PALD1: variants seen among roughly 807,000 people sequenced by gnomAD.
The protein encoded by PALD1 is paladin.
A neutral mutation model predicts 96.0 loss-of-function variants in PALD1; 57 were observed. The ratio of observed to expected loss-of-function variants is 0.59; its 90% confidence interval spans 0.48 to 0.74. The LOEUF (loss-of-function observed/expected upper bound fraction) is 0.74, where lower values mean the gene tolerates loss of function less well. Ranked by LOEUF, PALD1 falls within the 30% of genes least tolerant of loss-of-function variation. The probability of loss-of-function intolerance (pLI) is 0.00; values close to 1 mark genes in which losing one functional copy is unlikely to be tolerated. For missense variants in PALD1, 1,063 were observed against 1,143.7 expected (o/e 0.93, Z 1.02); for synonymous variants, 464 against 473.6 (o/e 0.98, Z 0.26).
intron 1 of PALD1, among the ~76,000 whole-genome samples, chr10:70,481,463 T>G (rs1298577116): frequency 6.6e-6 from 1 of 152,020 alleles, no homozygotes; most frequent in Non-Finnish European, 1.5e-5. Flanking sequence ...TTACTCAGAG[T>G]CATTTGGCCT....
At chr10:70,473,900 C>CCCG (rs1554852727), upstream of PALD1, among the ~76,000 whole-genome samples, 15 of 123,704 alleles carry the variant, frequency 1.2e-4, no homozygotes, top group African/African-American at 4.8e-4. Context: ...CACCCCCCCC[C>CCCG]CCTCAGCCTC....
chr10:70,531,541 C>T, intron 5 of PALD1, 87 bp downstream of exon 5: 1 of 1,311,322 alleles, frequency 7.6e-7, no homozygotes, highest in Non-Finnish European at 1.0e-6. Context: ...CCTGCTCTTA[C>T]TGGCCCGTGT....
At chr10:70,466,013 T>C in the PALD1 span, among the ~76,000 whole-genome samples, 2 of 152,114 alleles carry the variant, frequency 1.3e-5, no homozygotes, top group Non-Finnish European at 2.9e-5. Flanking sequence ...TCCTGCCCCA[T>C]GCCCCAGGGC....
chr10:70,513,539 A>T (rs1391913276), intron 1 of PALD1, among the ~76,000 whole-genome samples: 2 of 152,138 alleles, frequency 1.3e-5, no homozygotes, highest in Non-Finnish European at 2.9e-5. Flanking sequence ...AGAGTGCAGT[A>T]AGTAAACTCC....
At chr10:70,554,405 G>A (rs12762323) in intron 18 of PALD1, among the ~76,000 whole-genome samples, 78,678 of 151,952 alleles carry the variant, frequency 0.52, 21,205 homozygotes, top group Middle Eastern at 0.65. Context: ...CTCTAGCCTG[G>A]GTGACAGAGT....
At chr10:70,515,862 C>G (rs936529517) in intron 1 of PALD1, among the ~76,000 whole-genome samples, 6 of 152,166 alleles carry the variant, frequency 3.9e-5, no homozygotes, top group Non-Finnish European at 7.3e-5. Context: ...AGAGCCTAAG[C>G]CCTGTGTCCC....
intron 17 of PALD1, among the ~76,000 whole-genome samples, chr10:70,546,291 T>C (rs956176905): frequency 1.3e-5 from 2 of 152,182 alleles, no homozygotes; most frequent in Non-Finnish European, 2.9e-5. Flanking sequence ...AGCTTAACAT[T>C]CCATGGGTGC....
At chr10:70,532,543 T>G in intron 5 of PALD1, 78 bp from the exon 6 acceptor site, 2 of 1,486,514 alleles carry the variant, frequency 1.3e-6, no homozygotes, top group East Asian at 4.5e-5. Context: ...GTCTGGTCAC[T>G]CCAGAGCTCA....
chr10:70,547,214 G>A, intron 17 of PALD1, 92 bp from the exon 18 acceptor site: 6 of 1,162,426 alleles, frequency 5.2e-6, no homozygotes, highest in Non-Finnish European at 7.7e-6. Context: ...CCTTAGGCCT[G>A]GTGTGGCCTT....
intron 18 of PALD1, among the ~76,000 whole-genome samples, chr10:70,556,566 C>G (rs939216365): frequency 6.6e-6 from 1 of 152,132 alleles, no homozygotes; most frequent in Non-Finnish European, 1.5e-5. Context: ...CATCCTCTCG[C>G]CTCAGCCTCC....
At chr10:70,515,353 C>T (rs756829747) in intron 1 of PALD1, among the ~76,000 whole-genome samples, 19 of 152,286 alleles carry the variant, frequency 1.2e-4, no homozygotes, top group African/African-American at 4.1e-4. Flanking sequence ...GAACCTATCC[C>T]GAATGGCTTA....
chr10:70,524,251 C>A (rs1471772896), intron 1 of PALD1, among the ~76,000 whole-genome samples: 2 of 152,168 alleles, frequency 1.3e-5, no homozygotes, highest in Non-Finnish European at 2.9e-5. Flanking sequence ...GGCAGCTTGC[C>A]CCGATCCCCA....
the PALD1 span, among the ~76,000 whole-genome samples, chr10:70,463,339 G>T: frequency 4.6e-5 from 7 of 152,170 alleles, no homozygotes; most frequent in Non-Finnish European, 1.0e-4. Flanking sequence ...GAACCCGGCA[G>T]GCGGGAACCG....
In PALD1 at chr10:70,518,815, A is replaced by G. The variant is rs775931760; in HGVS notation, c.-29-7108A>G. On this transcript the variant is annotated intron_variant, in intron 1 of 19. Transcript: ENST00000263563. Reference sequence around the variant, plus strand: ...GGCTGTTCAAACCCCACCTCACCCCAGTGAGTCCCCGACCCCTGCCCCCTG... The same window carrying G: ...GGCTGTTCAAACCCCACCTCACCCCGGTGAGTCCCCGACCCCTGCCCCCTG... Among the ~76,000 whole-genome samples, 4 of 152,124 alleles carry G rather than the reference A, an allele frequency of 2.6e-5. No homozygotes were observed. In the South Asian group the frequency reaches 8.3e-4, roughly 32 times the overall value.
intron 1 of PALD1, among the ~76,000 whole-genome samples, chr10:70,501,567 C>G (rs1425537738): frequency 6.6e-6 from 1 of 152,092 alleles, no homozygotes; most frequent in Non-Finnish European, 1.5e-5. Context: ...GCGTCCTCAC[C>G]CCGTGGGGTC....
intron 1 of PALD1, among the ~76,000 whole-genome samples, chr10:70,496,276 A>G (rs1409566137): frequency 2.6e-5 from 4 of 152,052 alleles, no homozygotes; most frequent in South Asian, 2.1e-4. Context: ...TATTTTGTCA[A>G]TTGAGATCTA....
chr10:70,517,587 T>C (rs915396341), intron 1 of PALD1, among the ~76,000 whole-genome samples: 14 of 151,938 alleles, frequency 9.2e-5, no homozygotes, highest in African/African-American at 3.4e-4. Context: ...GGTGATCCGC[T>C]CACCTCGGCT....
intron 12 of PALD1, 89 bp from the exon 13 acceptor site, chr10:70,538,803 C>A: frequency 9.2e-7 from 1 of 1,085,674 alleles, no homozygotes; most frequent in South Asian, 1.3e-5. Flanking sequence ...GGTTCCACCC[C>A]ACCCCCCGTC....
intron 1 of PALD1, among the ~76,000 whole-genome samples, chr10:70,522,174 G>A (rs1846751438): frequency 6.6e-6 from 1 of 152,188 alleles, no homozygotes; most frequent in South Asian, 2.1e-4. Context: ...GCCCCGCATG[G>A]TGGACACCCA....
Sources: allele counts gnomAD v4.1 joint callset (sites outside exome capture counted in the v4.1 genomes callset), GRCh38; gene constraint gnomAD v4.1.1; transcripts MANE v1.5; gene names NCBI Gene and HGNC (gene_info 2026-07-23, HGNC 2026-07-21).